Variants in FAM117B observed in about 807,000 individuals in gnomAD.
FAM117B encodes the protein protein FAM117B.
In FAM117B, 22 loss-of-function variants were observed where a neutral mutation model predicts 52.8. The ratio of observed to expected loss-of-function variants is 0.42; its 90% CI spans 0.30 to 0.59. The LOEUF is 0.59. Among genes scored for constraint, FAM117B ranks in the 20% least tolerant of loss-of-function variants. The probability of loss-of-function intolerance (pLI) is 0.22; values close to 1 mark genes in which losing one functional copy is unlikely to be tolerated. For missense variants in FAM117B, 678 were observed against 802.6 expected (o/e 0.84, Z 1.88); for synonymous variants, 309 against 324.1 (o/e 0.95, Z 0.50).
chr2:202,755,818 G>T, intron 5 of FAM117B, 137 bp downstream of exon 5: 2 of 846,600 alleles, frequency 2.4e-6, no homozygotes, highest in Non-Finnish European at 3.5e-6. Flanking sequence ...AAAAATCTTT[G>T]ACCTGGGTGA....
intron 1 of FAM117B, among the ~76,000 whole-genome samples, chr2:202,660,012 T>A (rs1690106523): frequency 6.6e-6 from 1 of 152,130 alleles, no homozygotes; most frequent in Admixed American, 6.6e-5. Context: ...TGTTTCTTTC[T>A]TCTGTCACAT....
In FAM117B at chr2:202,648,771, A is replaced by AT. The variant is rs1167172692; in HGVS notation, c.601+12991dup. ...AATTCTTTTTTTATTATTATTTTTT[A>AT]TTTTTTTTGAGAAGAAGTCTTGCTC... On this transcript the variant is annotated intron_variant, in intron 1 of 7. Coordinates refer to ENST00000392238, the MANE Select transcript of FAM117B (RefSeq NM_173511.4). 1.0e-4 allele frequency among the ~76,000 whole-genome samples: 15 copies of AT among 150,612 alleles called. 1 individual carries two copies. Among genetic ancestry groups the AT allele is most frequent in the South Asian group, 2.1e-4 (1 of 4,774 alleles).
intron 2 of FAM117B, among the ~76,000 whole-genome samples, chr2:202,723,488 T>C (rs1035993604): frequency 6.6e-6 from 1 of 152,220 alleles, no homozygotes; most frequent in Non-Finnish European, 1.5e-5. Flanking sequence ...GCATTCTTTT[T>C]AGCAGTCCCA....
At chr2:202,640,424 G>T (rs1689754256) in intron 1 of FAM117B, among the ~76,000 whole-genome samples, 1 of 147,720 alleles carries the variant, frequency 6.8e-6, no homozygotes, top group South Asian at 2.1e-4. Context: ...ATTGGAGTTG[G>T]GGAGTGCCAA....
At chr2:202,684,451 A>G (rs960941585) in intron 1 of FAM117B, among the ~76,000 whole-genome samples, 3 of 152,208 alleles carry the variant, frequency 2.0e-5, no homozygotes, top group Non-Finnish European at 4.4e-5. Flanking sequence ...TACATTCCCA[A>G]TTGAGTCAAG....
At chr2:202,671,075 T>C (rs1690290699) in intron 1 of FAM117B, among the ~76,000 whole-genome samples, 1 of 152,208 alleles carries the variant, frequency 6.6e-6, no homozygotes, top group Non-Finnish European at 1.5e-5. Flanking sequence ...GCCAGACAAA[T>C]AACTTAATGA....
At chr2:202,682,313 G>T (rs949257613) in intron 1 of FAM117B, among the ~76,000 whole-genome samples, 13 of 152,212 alleles carry the variant, frequency 8.5e-5, no homozygotes, top group Non-Finnish European at 1.6e-4. Context: ...GGATGGCAAA[G>T]TTAAAAGGGT....
At chr2:202,727,565 C>CTATTTACATAG (rs747059326) in intron 4 of FAM117B, among the ~76,000 whole-genome samples, 8 of 151,810 alleles carry the variant, frequency 5.3e-5, no homozygotes, top group Non-Finnish European at 1.0e-4. Flanking sequence ...AGTATGACAA[C>CTATTTACATAG]TATTTACATA....
intron 6 of FAM117B, 29 bp downstream of exon 6, chr2:202,757,467 A>G (rs1691820481): frequency 2.5e-6 from 4 of 1,590,624 alleles, no homozygotes; most frequent in African/African-American, 1.3e-5. Flanking sequence ...GTGCTACTAG[A>G]TGATAATGGA....
intron 1 of FAM117B, among the ~76,000 whole-genome samples, chr2:202,653,103 C>CA (rs1433519365): frequency 1.3e-5 from 2 of 152,016 alleles, no homozygotes; most frequent in African/African-American, 2.4e-5. Context: ...CTCATCTCTA[C>CA]AAAAAAATTG....
chr2:202,669,134 A>G (rs1333393340), intron 1 of FAM117B, among the ~76,000 whole-genome samples: 1 of 152,164 alleles, frequency 6.6e-6, no homozygotes, highest in African/African-American at 2.4e-5. Context: ...GATCTGGAAT[A>G]ATTGGTAGAA....
Position 202,695,993 on chromosome 2 carries a change from T to A in FAM117B, c.714T>A (p.His238Gln). The change falls in exon 2 of 8, where the codon CAT becomes CAA. Residue 238 changes from histidine to glutamine, a missense_variant. Transcript: ENST00000392238. ...CTGGACACTGGCCTCGGGATAGCCATGGGCAAGCTGCACCTTGCATGAGGG... is the reference window on the plus strand; with the variant it reads ...CTGGACACTGGCCTCGGGATAGCCAAGGGCAAGCTGCACCTTGCATGAGGG... ...YLAGHWPRDS[H>Q]GQAAPCMRDK... The A allele has an allele frequency of 6.2e-7, 1 of 1,614,182 alleles. No individual in the cohort carries two copies. The highest frequency in any genetic ancestry group is 8.5e-7 in the Non-Finnish European group (1 of 1,179,996).
chr2:202,689,313 A>G (rs1690588493), intron 1 of FAM117B, among the ~76,000 whole-genome samples: 1 of 152,062 alleles, frequency 6.6e-6, no homozygotes, highest in Admixed American at 6.5e-5. Context: ...GTAGTGGCGT[A>G]CGCCTGGAGT....
Position 202,694,528 on chromosome 2 carries a change from C to G in FAM117B, c.602-1353C>G, listed in dbSNP as rs114703152. On this transcript the variant is annotated intron_variant, in intron 1 of 7. Transcript: ENST00000392238. Reference sequence around the variant, plus strand: ...TTTATATGTGTCTTTCCTCACATTACTTATTAATGTGAGGAAACATTAATA... The same window carrying G: ...TTTATATGTGTCTTTCCTCACATTAGTTATTAATGTGAGGAAACATTAATA... 8.5e-3 allele frequency among the ~76,000 whole-genome samples: 1,293 copies of G among 152,056 alleles called. 24 individuals are homozygous for G. The highest frequency in any genetic ancestry group is 0.029 in the African/African-American group (1,222 of 41,482).
At chr2:202,660,818 C>A (rs759806639) in intron 1 of FAM117B, among the ~76,000 whole-genome samples, 16 of 152,192 alleles carry the variant, frequency 1.1e-4, no homozygotes, top group Non-Finnish European at 1.8e-4. Flanking sequence ...TTCCTCTGGT[C>A]AGAGGGAAGG....
In FAM117B at chr2:202,755,556, G is replaced by A; in HGVS notation, c.979G>A (p.Ala327Thr). 1 of 1,614,016 alleles carries A rather than the reference G, an allele frequency of 6.2e-7. No homozygotes were observed. The highest frequency in any genetic ancestry group is 8.5e-7 in the Non-Finnish European group (1 of 1,179,954). ...NQCQAPVPKS[A>T]LIPVIPITKS... ...TCTTAAGGCTCCTGTTCCAAAGAGT[G>A]CACTTATTCCTGTAATTCCCATCAC... The change falls in exon 5 of 8, where the codon GCA becomes ACA. Residue 327 changes from alanine to threonine, a missense_variant. Around this residue, in one of 3 missense-constraint regions of FAM117B, gnomAD observed 583 missense variants for 644.8 expected, o/e 0.90. Coordinates refer to ENST00000392238, the MANE Select transcript of FAM117B (RefSeq NM_173511.4).
Position 202,676,840 on chromosome 2 carries a change from A to T in FAM117B, c.602-19041A>T, listed in dbSNP as rs189863275. ...TTGAAAGAATTTTGTCCGTCATGATACAGAAATTCCCTTGAACAGACTATT... is the reference window on the plus strand; with the variant it reads ...TTGAAAGAATTTTGTCCGTCATGATTCAGAAATTCCCTTGAACAGACTATT... On this transcript the variant is annotated intron_variant, in intron 1 of 7. Transcript: ENST00000392238. 1.7e-3 allele frequency among the ~76,000 whole-genome samples: 266 copies of T among 152,326 alleles called. 1 individual carries two copies. Among genetic ancestry groups the T allele is most frequent in the African/African-American group, 6.3e-3 (261 of 41,566 alleles).
chr2:202,747,626 T>G (rs373204520), intron 4 of FAM117B, among the ~76,000 whole-genome samples: 1 of 151,978 alleles, frequency 6.6e-6, no homozygotes, highest in African/African-American at 2.4e-5. Flanking sequence ...AAAGTCAATA[T>G]ATAAAAATGA....
chr2:202,707,719 G>C (rs188972279), intron 2 of FAM117B, among the ~76,000 whole-genome samples: 1 of 151,864 alleles, frequency 6.6e-6, no homozygotes, highest in East Asian at 1.9e-4. Context: ...AAGTCATTCA[G>C]TCAGTCCATC....
Sources: gnomAD v4.1 joint callset for allele counts (sites outside exome capture counted in the v4.1 genomes callset) on GRCh38, gnomAD v4.1.1 for gene constraint, gnomAD v4.1.1 regional missense constraint, MANE v1.5 for transcripts, NCBI Gene and HGNC (gene_info 2026-07-23, HGNC 2026-07-21) for gene names.